CUL4A: variants seen among roughly 807,000 people sequenced by gnomAD.
CUL4A encodes cullin-4A.
In CUL4A, 16 loss-of-function variants were observed where a neutral mutation model predicts 95.5. The observed-to-expected ratio is 0.17, with a 90% CI of 0.11 to 0.25. The LOEUF (loss-of-function observed/expected upper bound fraction) is 0.25, where lower values mean the gene tolerates loss of function less well. Among genes scored for constraint, CUL4A ranks in the 10% least tolerant of loss-of-function variants. CUL4A has a pLI of 1.00. For synonymous variants in CUL4A, 380 were observed against 353.1 expected (o/e 1.08, Z -0.85); for missense variants, 610 against 937.0 (o/e 0.65, Z 4.56).
intron 2 of CUL4A, among the ~76,000 whole-genome samples, chr13:113,218,435 A>G (rs2040774585): frequency 6.6e-6 from 1 of 152,200 alleles, no homozygotes; most frequent in African/African-American, 2.4e-5. Flanking sequence ...GGGAAGGCCC[A>G]GCCTGTTGTT....
At chr13:113,208,455 C>G, upstream of CUL4A, 1 of 1,523,314 alleles carries the variant, frequency 6.6e-7, no homozygotes, top group Non-Finnish European at 8.8e-7. Flanking sequence ...CTGTTCGGCT[C>G]GCGCGGCTGC....
intron 3 of CUL4A, among the ~76,000 whole-genome samples, chr13:113,226,984 A>G (rs555755415): frequency 7.2e-5 from 11 of 152,190 alleles, no homozygotes; most frequent in African/African-American, 2.6e-4. Context: ...ACCTACCCCC[A>G]GGGCACTTAA....
chr13:113,215,516 C>T (rs952572228), intron 2 of CUL4A, among the ~76,000 whole-genome samples: 3 of 147,536 alleles, frequency 2.0e-5, no homozygotes, highest in Non-Finnish European at 4.5e-5. Context: ...ATGGAGGTCT[C>T]GTCCATGTGG....
chr13:113,229,351 G>A, intron 4 of CUL4A, 95 bp from the exon 5 acceptor site: 1 of 994,312 alleles, frequency 1.0e-6, no homozygotes. Flanking sequence ...AACAGCTGTT[G>A]GATTTGAGAC....
At chr13:113,227,680 T>C (rs2041156349) in intron 3 of CUL4A, among the ~76,000 whole-genome samples, 1 of 152,096 alleles carries the variant, frequency 6.6e-6, no homozygotes, top group Non-Finnish European at 1.5e-5. Context: ...CTGAGGCCAG[T>C]GGATCACAAG....
At chr13:113,225,578 T>C (rs1183699298) in intron 3 of CUL4A, among the ~76,000 whole-genome samples, 1 of 152,256 alleles carries the variant, frequency 6.6e-6, no homozygotes, top group Non-Finnish European at 1.5e-5. Flanking sequence ...TGGTGTCAGA[T>C]TGACTGGTGT....
intron 16 of CUL4A, among the ~76,000 whole-genome samples, chr13:113,253,940 C>T (rs994603428): frequency 6.6e-6 from 1 of 152,142 alleles, no homozygotes; most frequent in Non-Finnish European, 1.5e-5. Context: ...TACATACCTA[C>T]TTTATTATTG....
intron 11 of CUL4A, chr13:113,244,185 T>C (rs2041797746): frequency 2.3e-6 from 1 of 429,542 alleles, no homozygotes; most frequent in Admixed American, 3.9e-5. Context: ...AGAAAGATAT[T>C]TAAACCTGCT....
At chr13:113,241,141 T>C (rs2041697510) in intron 10 of CUL4A, among the ~76,000 whole-genome samples, 1 of 152,140 alleles carries the variant, frequency 6.6e-6, no homozygotes, top group Non-Finnish European at 1.5e-5. Flanking sequence ...TATAACTGAG[T>C]CACACTAAAT....
chr13:113,244,633 G>A (rs2139237896), intron 12 of CUL4A, 119 bp downstream of exon 12: 1 of 732,446 alleles, frequency 1.4e-6, no homozygotes, highest in Non-Finnish European at 2.3e-6. Context: ...GCATTAGAAT[G>A]AACACTTTTC....
chr13:113,208,833 C>T, upstream of CUL4A: 11 of 1,408,014 alleles, frequency 7.8e-6, no homozygotes, highest in Non-Finnish European at 9.2e-6. Flanking sequence ...CTGCCGGGGC[C>T]CCGTCCTCTC....
chr13:113,238,104 A>T (rs2041602625), intron 9 of CUL4A, among the ~76,000 whole-genome samples: 1 of 152,162 alleles, frequency 6.6e-6, no homozygotes, highest in Non-Finnish European at 1.5e-5. Context: ...AAATGCATTC[A>T]GAATTTGTGT....
At chr13:113,260,445 G>A (rs1342830475) in intron 18 of CUL4A, among the ~76,000 whole-genome samples, 162 bp from the exon 19 acceptor site, 1 of 151,820 alleles carries the variant, frequency 6.6e-6, no homozygotes, top group East Asian at 1.9e-4. Flanking sequence ...AGCTACTCGG[G>A]AGGCTGAGGC....
At chr13:113,226,053 C>T (rs541646191) in intron 3 of CUL4A, among the ~76,000 whole-genome samples, 30 of 152,314 alleles carry the variant, frequency 2.0e-4, no homozygotes, top group Admixed American at 1.1e-3. Context: ...TCAGACCCCC[C>T]GGGAGCCCCT....
chr13:113,222,488 A>T (rs182658281), intron 3 of CUL4A, among the ~76,000 whole-genome samples: 6 of 150,906 alleles, frequency 4.0e-5, no homozygotes. Context: ...TGGAAGGAGG[A>T]GACACGGATT....
intron 8 of CUL4A, among the ~76,000 whole-genome samples, chr13:113,235,431 A>C (rs892546476): frequency 2.0e-5 from 3 of 152,184 alleles, no homozygotes; most frequent in Non-Finnish European, 4.4e-5. Context: ...GTATCACTGA[A>C]TATTAGGTTA....
Position 113,252,333 on chromosome 13 carries a change from C to T in CUL4A, c.1639-749C>T, listed in dbSNP as rs181527453. Among the ~76,000 whole-genome samples, 170 of 152,204 alleles carry T rather than the reference C, an allele frequency of 1.1e-3. 1 individual carries two copies. The highest frequency in any genetic ancestry group is 3.9e-3 in the African/African-American group (164 of 41,534). On this transcript the variant is annotated intron_variant, in intron 15 of 19. Coordinates refer to ENST00000375440, the MANE Select transcript of CUL4A (RefSeq NM_001008895.4). ...GGAGGAGCGCTTGGGCCCAGGATTT[C>T]AAGACCAGCCTGGGCAGCATGAGAA...
chr13:113,234,120 G>T (rs1015242323), intron 7 of CUL4A, 134 bp downstream of exon 7: 2 of 576,578 alleles, frequency 3.5e-6, no homozygotes, highest in African/African-American at 3.8e-5. Context: ...CTGCAATCTT[G>T]CCAGAATCCC....
chr13:113,208,318 G>C, upstream of CUL4A: 3 of 1,432,938 alleles, frequency 2.1e-6, no homozygotes, highest in Non-Finnish European at 2.7e-6. Context: ...CAGCAAGTGA[G>C]GGCAGCGACC....
Sources: gnomAD v4.1 joint callset for allele counts (sites outside exome capture counted in the v4.1 genomes callset) on GRCh38, gnomAD v4.1.1 for gene constraint, MANE v1.5 for transcripts, NCBI Gene and HGNC (gene_info 2026-07-23, HGNC 2026-07-21) for gene names.